The following ZNF559 variants were observed in gnomAD, a reference collection of about 807,000 sequenced individuals.
The protein encoded by ZNF559 is putative protein product of Nbla00121.
Under a neutral mutation model 14.2 loss-of-function variants are expected in ZNF559, and 17 were observed. The ratio of observed to expected loss-of-function variants is 1.20; its 90% CI spans 0.82 to 1.80. The LOEUF (loss-of-function observed/expected upper bound fraction) is 1.80, where lower values mean the gene tolerates loss of function less well. ZNF559 is among the 40% of genes most tolerant of loss of function. The pLI, the probability that ZNF559 is intolerant of heterozygous loss-of-function variation, is 0.00. For missense variants in ZNF559, 740 were observed against 629.7 expected (o/e 1.18, Z -1.88); for synonymous variants, 244 against 212.4 (o/e 1.15, Z -1.29).
chr19:9,324,383 C>T (rs2066447175), intron 1 of ZNF559, 155 bp downstream of exon 1: 10 of 1,486,646 alleles, frequency 6.7e-6, no homozygotes, highest in Admixed American at 2.1e-5. Flanking sequence ...GTCGCGGCCC[C>T]TCCTCTGAGA....
intron 2 of ZNF559, among the ~76,000 whole-genome samples, chr19:9,328,737 C>T (rs1474664721): frequency 3.3e-5 from 5 of 152,194 alleles, no homozygotes; most frequent in East Asian, 1.9e-4. Flanking sequence ...GGTCATCATC[C>T]GTATCTGGGT....
rs1296254809 is a variant in ZNF559, at chr19:9,344,781, ATTTAATGATCTT to A, written c.*1717_*1728del. ...CTTATGAGTCTTTGGTGAAGTGTAC[ATTTAATGATCTT>A]TTTTCACTGTTGCTGAGAATCTTTG... On this transcript the variant is annotated 3_prime_UTR_variant, in exon 7 of 7. Coordinates refer to ENST00000603380, the MANE Select transcript of ZNF559 (RefSeq NM_032497.3). The A allele has an allele frequency of 6.6e-6, 1 of 152,242 alleles. No homozygotes were observed. The highest frequency in any genetic ancestry group is 1.5e-5 in the Non-Finnish European group (1 of 68,040). The allele number at this position is 152,242 out of a possible 1,614,324, so 9.4% of individuals were successfully genotyped here. A position where few individuals can be genotyped will look rare whatever the true frequency, so the allele number is the denominator to read the frequency against.
chr19:9,337,622 C>T (rs1456245198), intron 2 of ZNF559, 174 bp from the exon 3 acceptor site: 3 of 276,862 alleles, frequency 1.1e-5, no homozygotes, highest in Admixed American at 5.0e-5. Context: ...AGTGTCTGAG[C>T]TTAGGTTTCC....
chr19:9,344,468 C>G lies in ZNF559; in HGVS notation c.*1400C>G, dbSNP rs1487247373. On this transcript the variant is annotated 3_prime_UTR_variant, in exon 7 of 7. Coordinates refer to ENST00000603380, the MANE Select transcript of ZNF559 (RefSeq NM_032497.3). The stretch of plus-strand genomic sequence containing the variant: ...GACCAGCCTGGGCAATATAGTGAAA[C>G]CTCATCTTGACAAAGAATAAATAAG... 6.6e-6 allele frequency: 1 copy of G among 152,078 alleles called. No individual in the cohort carries two copies. The highest frequency in any genetic ancestry group is 1.5e-5 in the Non-Finnish European group (1 of 68,042). 9.4% of individuals were successfully genotyped at this position (152,078 alleles called of 1,614,324 possible). A position where few individuals can be genotyped will look rare whatever the true frequency, so the allele number is the denominator to read the frequency against.
chr19:9,343,102 G>A lies in ZNF559; in HGVS notation c.*34G>A, dbSNP rs746753830. The A allele has an allele frequency of 5.1e-6, 8 of 1,578,916 alleles. No homozygotes were observed. The African/African-American group carries it at 1.1e-4, about 21-fold the overall frequency. Reference sequence around the variant, plus strand: ...TGATACTTGGAAAGAATGTGGTAAAGCCACTACTTCCTCACACTTACTGAA... The same window carrying A: ...TGATACTTGGAAAGAATGTGGTAAAACCACTACTTCCTCACACTTACTGAA... On this transcript the variant is annotated 3_prime_UTR_variant, in exon 7 of 7. Coordinates refer to ENST00000603380, the MANE Select transcript of ZNF559 (RefSeq NM_032497.3).
intron 3 of ZNF559, 76 bp from the exon 4 acceptor site, chr19:9,338,418 T>G: frequency 3.8e-6 from 4 of 1,050,300 alleles, no homozygotes; most frequent in South Asian, 1.4e-5. Flanking sequence ...AGCATTAGTA[T>G]GAGGTGGCTT....
chr19:9,340,346 G>A (rs2067489607), intron 5 of ZNF559, among the ~76,000 whole-genome samples: 1 of 151,980 alleles, frequency 6.6e-6, no homozygotes, highest in Non-Finnish European at 1.5e-5. Context: ...TGGTTTCCAA[G>A]GTTCCTTGGG....
rs928889376 is a variant in ZNF559, at chr19:9,344,926, T to A, written c.*1858T>A. The A allele has an allele frequency of 6.6e-6, 1 of 152,228 alleles. No homozygotes were observed. The highest frequency in any genetic ancestry group is 6.5e-5 in the Admixed American group (1 of 15,276). 9.4% of individuals were successfully genotyped at this position (152,228 alleles called of 1,614,324 possible). A position where few individuals can be genotyped will look rare whatever the true frequency, so the allele number is the denominator to read the frequency against. ...CTTTAAGTTTGGACACATACACATATGTGTACATACACACCATCAAGATAA... is the reference window on the plus strand; with the variant it reads ...CTTTAAGTTTGGACACATACACATAAGTGTACATACACACCATCAAGATAA... On this transcript the variant is annotated 3_prime_UTR_variant, in exon 7 of 7. Transcript: ENST00000603380.
intron 1 of ZNF559, 113 bp downstream of exon 1, chr19:9,324,341 G>A: frequency 2.6e-6 from 4 of 1,521,054 alleles, no homozygotes; most frequent in South Asian, 2.4e-5. Flanking sequence ...GTGCACTTTC[G>A]GGCATTTCGA....
In ZNF559 at chr19:9,337,844, G is replaced by T; in HGVS notation, c.-71G>T. 2 of 1,489,874 alleles carry T rather than the reference G, an allele frequency of 1.3e-6. No homozygotes were observed. Among genetic ancestry groups the T allele is most frequent in the African/African-American group, 2.8e-5 (2 of 72,194 alleles). The allele number at this position is 1,489,874 out of a possible 1,614,324, so 92.3% of individuals were successfully genotyped here. ...TGATGACAGATGAGTAATGCCTGTT[G>T]CTGAAAGATTGACGGTATGAGGCAA... On this transcript the variant is annotated 5_prime_UTR_variant, in exon 3 of 7. Transcript: ENST00000603380.
Position 9,343,751 on chromosome 19 carries a change from C to T in ZNF559, c.*683C>T. 1.0e-6 allele frequency: 1 copy of T among 985,942 alleles called. No individual in the cohort carries two copies. The highest frequency in any genetic ancestry group is 1.2e-6 in the Non-Finnish European group (1 of 830,358). 61.1% of individuals were successfully genotyped at this position (985,942 alleles called of 1,614,324 possible). On this transcript the variant is annotated 3_prime_UTR_variant, in exon 7 of 7. Coordinates refer to ENST00000603380, the MANE Select transcript of ZNF559 (RefSeq NM_032497.3). ...CTGTATTAATTTACATGCAAAAAGT[C>T]ACACTAGAGGAATGCCATATCAGAA...
At chr19:9,327,231 G>A (rs2066660166) in intron 2 of ZNF559, among the ~76,000 whole-genome samples, 1 of 101,044 alleles carries the variant, frequency 9.9e-6, no homozygotes, top group Non-Finnish European at 2.3e-5. Context: ...TTTTGGTTTT[G>A]TTTTGTTTTG....
intron 2 of ZNF559, among the ~76,000 whole-genome samples, chr19:9,332,521 C>T (rs1009779594): frequency 4.6e-5 from 7 of 152,120 alleles, no homozygotes; most frequent in Non-Finnish European, 1.0e-4. Context: ...ATGGTTGCCT[C>T]GGTCATCAGG....
At chr19:9,332,196 T>C (rs1230867198) in intron 2 of ZNF559, among the ~76,000 whole-genome samples, 1 of 152,164 alleles carries the variant, frequency 6.6e-6, no homozygotes, top group African/African-American at 2.4e-5. Flanking sequence ...TTTGTCAAAT[T>C]CCTTTTCTGC....
intron 1 of ZNF559, 163 bp downstream of exon 1, chr19:9,324,391 A>T (rs1248430037): frequency 6.7e-7 from 1 of 1,481,956 alleles, no homozygotes; most frequent in Non-Finnish European, 8.9e-7. Flanking sequence ...CCCTCCTCTG[A>T]GAGCCACAGT....
rs1181062365 is a variant in ZNF559 at position 9,324,207 on chromosome 19, C to T, written c.-227C>T. 1.2e-5 allele frequency: 19 copies of T among 1,536,092 alleles called. No individual in the cohort carries two copies. Among genetic ancestry groups the T allele is most frequent in the South Asian group, 8.3e-5 (7 of 84,070 alleles). On this transcript the variant is annotated 5_prime_UTR_variant, in exon 1 of 7. Coordinates refer to ENST00000603380, the MANE Select transcript of ZNF559 (RefSeq NM_032497.3). The stretch of plus-strand genomic sequence containing the variant: ...CGCATAACGGCCGCCATCTTAACAG[C>T]GCGTTCCCGTTGGCGTCTGAGGTAA...
At chr19:9,337,892 A>G in intron 3 of ZNF559, 34 bp downstream of exon 3, 4 of 1,532,340 alleles carry the variant, frequency 2.6e-6, no homozygotes, top group Non-Finnish European at 3.5e-6. Flanking sequence ...TACTTAATCA[A>G]GAGGAATTGA....
chr19:9,337,942 A>G, intron 3 of ZNF559, 84 bp downstream of exon 3: 1 of 1,535,958 alleles, frequency 6.5e-7, no homozygotes, highest in Non-Finnish European at 8.7e-7. Context: ...TCTCGAAGAG[A>G]CTTTGGGAAC....
intron 2 of ZNF559, among the ~76,000 whole-genome samples, chr19:9,330,927 A>T (rs567359426): frequency 6.6e-6 from 1 of 152,264 alleles, no homozygotes; most frequent in Non-Finnish European, 1.5e-5. Flanking sequence ...CTCAGTCTTT[A>T]TGGCTTAGTC....
Sources: gnomAD v4.1 joint callset for allele counts (sites outside exome capture counted in the v4.1 genomes callset) on GRCh38, gnomAD v4.1.1 for gene constraint, MANE v1.5 for transcripts, NCBI Gene and HGNC (gene_info 2026-07-23, HGNC 2026-07-21) for gene names.